RAI14: variants seen among roughly 807,000 people sequenced by gnomAD.
RAI14 encodes the protein ankycorbin.
Under a neutral mutation model 115.4 loss-of-function variants are expected in RAI14, and 45 were observed. The ratio of observed to expected loss-of-function variants is 0.39; its 90% CI spans 0.31 to 0.50. The LOEUF (loss-of-function observed/expected upper bound fraction) is 0.50, where lower values mean the gene tolerates loss of function less well. Among genes scored for constraint, RAI14 ranks in the 20% least tolerant of loss-of-function variants. The pLI, the probability that RAI14 is intolerant of heterozygous loss-of-function variation, is 0.85. For missense variants in RAI14, 939 were observed against 1,131.2 expected, an observed-to-expected ratio of 0.83 and a Z score of 2.44; for synonymous variants, 371 against 415.4, an observed-to-expected ratio of 0.89 and a Z score of 1.30.
At chr5:34,780,812 T>G (rs1255735635) in intron 3 of RAI14, among the ~76,000 whole-genome samples, 1 of 152,124 alleles carries the variant, frequency 6.6e-6, no homozygotes, top group Non-Finnish European at 1.5e-5. Flanking sequence ...GACAGTGTGG[T>G]GATTCCTCAA....
At chr5:34,753,322 G>T (rs1747378884) in intron 2 of RAI14, among the ~76,000 whole-genome samples, 1 of 152,128 alleles carries the variant, frequency 6.6e-6, no homozygotes, top group Admixed American at 6.5e-5. Context: ...TCTACTTTTG[G>T]ACAGTAGATT....
At chr5:34,763,828 C>T (rs1226304869) in intron 3 of RAI14, among the ~76,000 whole-genome samples, 2 of 152,078 alleles carry the variant, frequency 1.3e-5, no homozygotes, top group African/African-American at 2.4e-5. Context: ...GTTCAGGTAA[C>T]AGCATGAACA....
intron 3 of RAI14, among the ~76,000 whole-genome samples, chr5:34,763,199 G>A (rs1001492261): frequency 6.6e-6 from 1 of 152,108 alleles, no homozygotes; most frequent in African/African-American, 2.4e-5. Context: ...GGATGTATTA[G>A]ATATTTTACA....
chr5:34,708,135 T>C (rs1437111020), intron 2 of RAI14, among the ~76,000 whole-genome samples: 1 of 151,970 alleles, frequency 6.6e-6, no homozygotes, highest in Non-Finnish European at 1.5e-5. Context: ...AATATAAAGA[T>C]ATAATTTAAT....
At chr5:34,775,624 A>G (rs1750741721) in intron 3 of RAI14, among the ~76,000 whole-genome samples, 1 of 152,210 alleles carries the variant, frequency 6.6e-6, no homozygotes, top group Non-Finnish European at 1.5e-5. Context: ...CCCAAAAGAC[A>G]TACAAATGGC....
At chr5:34,701,173 TG>T (rs1445441237) in intron 2 of RAI14, among the ~76,000 whole-genome samples, 1 of 152,204 alleles carries the variant, frequency 6.6e-6, no homozygotes, top group African/African-American at 2.4e-5. Flanking sequence ...TCCCATCAGA[TG>T]GGTTTTATTT....
At chr5:34,783,855 G>T (rs1441012621) in intron 3 of RAI14, among the ~76,000 whole-genome samples, 1 of 152,212 alleles carries the variant, frequency 6.6e-6, no homozygotes, top group African/African-American at 2.4e-5. Context: ...ATAGAAGCTG[G>T]AATGCCCATC....
chr5:34,734,155 G>A (rs79944189), intron 2 of RAI14, among the ~76,000 whole-genome samples: 3,054 of 152,310 alleles, frequency 0.02, 80 homozygotes, highest in African/African-American at 0.069. Flanking sequence ...AGTGATGTTG[G>A]TCTTCCCCTC....
At chr5:34,829,895 A>G (rs1266945812) in intron 17 of RAI14, 98 bp downstream of exon 17, 1 of 1,014,628 alleles carries the variant, frequency 9.9e-7, no homozygotes, top group African/African-American at 1.6e-5. Flanking sequence ...ATGAACAAGA[A>G]TTAGAGGAGA....
chr5:34,823,412 G>A lies in RAI14; in HGVS notation c.1570G>A (p.Glu524Lys), dbSNP rs373622448. ...CATGGATAATTATTCACATTTCCAC[G>A]AGCTGAGGGTCACGGAAGAGGAAAT... ...ESMDNYSHFH[E>K]LRVTEEEINV... The change falls in exon 15 of 18, where the codon GAG becomes AAG. Residue 524 changes from glutamate (E) to lysine (K), a missense_variant. Transcript: ENST00000265109. This position sits in a 1 kb window ranked among gnomAD's most constrained non-coding sequence, Gnocchi z 4.5. 1.2e-4 allele frequency: 187 copies of A among 1,613,984 alleles called. No individual in the cohort carries two copies. Among genetic ancestry groups the A allele is most frequent in the Non-Finnish European group, 1.1e-4 (129 of 1,180,034 alleles).
At chr5:34,701,047 G>A (rs1288386112) in intron 2 of RAI14, among the ~76,000 whole-genome samples, 1 of 152,122 alleles carries the variant, frequency 6.6e-6, no homozygotes, top group South Asian at 2.1e-4. Flanking sequence ...GTTTTGATGG[G>A]GCAGCTATGT....
intron 3 of RAI14, among the ~76,000 whole-genome samples, chr5:34,783,899 C>T (rs183482911): frequency 8.2e-4 from 125 of 152,310 alleles, no homozygotes; most frequent in African/African-American, 2.5e-3. Flanking sequence ...ACGTTTAACA[C>T]AGGCAGAAGA....
intron 1 of RAI14, among the ~76,000 whole-genome samples, chr5:34,685,407 T>C (rs1470685377): frequency 6.6e-6 from 1 of 152,038 alleles, no homozygotes; most frequent in African/African-American, 2.4e-5. Context: ...AGCTAAGTTA[T>C]AAGGATGCAA....
Position 34,665,172 on chromosome 5 carries a change from TACAC to T in RAI14, c.-49+8701_-49+8704del, listed in dbSNP as rs372105169. ...ATATATGTGTGTGTATATATATATA[TACAC>T]ACATATATATATGTATATATATACA... is the stretch of plus-strand genomic sequence containing the variant. On this transcript the variant is annotated intron_variant, in intron 1 of 17. Coordinates refer to ENST00000265109, the MANE Select transcript of RAI14 (RefSeq NM_015577.3). Among the ~76,000 whole-genome samples the T allele has an allele frequency of 7.9e-4, 12 of 15,166 alleles. 1 individual carries two copies. Among genetic ancestry groups the T allele is most frequent in the East Asian group, 1.3e-3 (1 of 770 alleles). The allele number at this position is 15,166 out of a possible 152,430, so 9.9% of individuals were successfully genotyped here. A position where few individuals can be genotyped will look rare whatever the true frequency, so the allele number is the denominator to read the frequency against.
At chr5:34,666,483 A>T (rs1384724895) in intron 1 of RAI14, among the ~76,000 whole-genome samples, 1 of 152,156 alleles carries the variant, frequency 6.6e-6, no homozygotes, top group Non-Finnish European at 1.5e-5. Context: ...CCTGAAGAAG[A>T]CAGGGCCACA....
intron 2 of RAI14, among the ~76,000 whole-genome samples, chr5:34,713,240 T>C (rs1309091004): frequency 6.6e-6 from 1 of 151,984 alleles, no homozygotes; most frequent in Non-Finnish European, 1.5e-5. Context: ...AAGGATAACA[T>C]GGAGTGGGAT....
At chr5:34,695,140 T>C (rs776892750) in intron 2 of RAI14, among the ~76,000 whole-genome samples, 3 of 152,184 alleles carry the variant, frequency 2.0e-5, no homozygotes, top group Non-Finnish European at 2.9e-5. Context: ...CCTCAGGTGA[T>C]TTGCCTGCCT....
At chr5:34,670,516 G>T (rs1743538844) in intron 1 of RAI14, among the ~76,000 whole-genome samples, 1 of 152,082 alleles carries the variant, frequency 6.6e-6, no homozygotes, top group East Asian at 1.9e-4. Context: ...AGCTATTGTG[G>T]CTGTTATTAT....
intron 1 of RAI14, among the ~76,000 whole-genome samples, chr5:34,678,518 T>A (rs142574019): frequency 1.1e-3 from 173 of 152,244 alleles, no homozygotes; most frequent in African/African-American, 4.1e-3. Context: ...GGTGTCCTCA[T>A]AAGATGAAGC....
Sources: gnomAD v4.1 joint callset for allele counts (sites outside exome capture counted in the v4.1 genomes callset) on GRCh38, gnomAD v4.1.1 for gene constraint, Gnocchi (gnomAD v3.1) non-coding constraint, MANE v1.5 for transcripts, NCBI Gene and HGNC (gene_info 2026-07-23, HGNC 2026-07-21) for gene names.